The following TLK2 variants were observed in gnomAD, a reference collection of about 807,000 sequenced individuals.
TLK2 encodes serine/threonine-protein kinase tousled-like 2.
TLK2 carries 6 observed loss-of-function variants against 117.3 expected under a neutral mutation model. The observed-to-expected ratio is 0.05, with a 90% CI of 0.03 to 0.10. The LOEUF (loss-of-function observed/expected upper bound fraction) is 0.10, where lower values mean the gene tolerates loss of function less well. Ranked by LOEUF, TLK2 falls within the 10% of genes least tolerant of loss-of-function variation. TLK2 has a pLI of 1.00. For missense variants in TLK2, 299 were observed against 901.2 expected (o/e 0.33, Z 8.56); for synonymous variants, 257 against 316.7 (o/e 0.81, Z 2.00).
intron 9 of TLK2, among the ~76,000 whole-genome samples, chr17:62,557,191 C>T (rs2078922785): frequency 6.6e-6 from 1 of 152,194 alleles, no homozygotes; most frequent in Non-Finnish European, 1.5e-5. Flanking sequence ...TCCCAAAGTG[C>T]TGGGATAACA....
upstream of TLK2, among the ~76,000 whole-genome samples, chr17:62,474,867 G>A (rs1375823578): frequency 4.8e-5 from 7 of 144,916 alleles, no homozygotes; most frequent in Non-Finnish European, 1.1e-4. Flanking sequence ...TCAATATATT[G>A]CCCAAGCTAG....
At chr17:62,568,036 C>G (rs962059939) in intron 11 of TLK2, among the ~76,000 whole-genome samples, 1 of 152,100 alleles carries the variant, frequency 6.6e-6, no homozygotes, top group Non-Finnish European at 1.5e-5. Context: ...TAATGTTATT[C>G]AGTATATCAC....
intron 2 of TLK2, among the ~76,000 whole-genome samples, chr17:62,506,245 CAGAT>C (rs1465470803): frequency 2.0e-5 from 3 of 152,306 alleles, no homozygotes; most frequent in East Asian, 1.9e-4. Flanking sequence ...CTTCTCCAGA[CAGAT>C]AGGTAGAACC....
rs2083935834 is a variant in TLK2 at position 62,613,606 on chromosome 17, T to C, written c.*1041T>C. ...GTAGTTCCTACCCATAGTCTTTGTG[T>C]GCTTGCTAAATGGTGTACATTTCTT... On this transcript the variant is annotated 3_prime_UTR_variant, in exon 22 of 22. Coordinates refer to ENST00000346027, the MANE Select transcript of TLK2 (RefSeq NM_006852.6). 2 of 152,430 alleles carry C rather than the reference T, an allele frequency of 1.3e-5. No individual in the cohort carries two copies. The highest frequency in any genetic ancestry group is 4.8e-5 in the African/African-American group (2 of 41,450). The allele number at this position is 152,430 out of a possible 1,614,324, so 9.4% of individuals were successfully genotyped here.
chr17:62,540,892 G>A (rs1285024073), intron 7 of TLK2, among the ~76,000 whole-genome samples: 6 of 152,092 alleles, frequency 3.9e-5, no homozygotes, highest in Non-Finnish European at 8.8e-5. Flanking sequence ...TCCTTAAAGT[G>A]GCCCTGCATG....
intron 2 of TLK2, among the ~76,000 whole-genome samples, chr17:62,501,016 A>G (rs2074143249): frequency 6.6e-6 from 1 of 152,176 alleles, no homozygotes; most frequent in Non-Finnish European, 1.5e-5. Flanking sequence ...AAGTGGGCGG[A>G]TCACGAGGTC....
chr17:62,567,655 T>A (rs969241382), intron 11 of TLK2, among the ~76,000 whole-genome samples: 1 of 152,222 alleles, frequency 6.6e-6, no homozygotes. Flanking sequence ...ATTCTGCACA[T>A]GAGAAACTCC....
chr17:62,502,028 A>ATTT (rs746988825), intron 2 of TLK2, among the ~76,000 whole-genome samples: 33 of 134,304 alleles, frequency 2.5e-4, no homozygotes, highest in South Asian at 9.3e-4. Flanking sequence ...AAAAAATACC[A>ATTT]ATTTTTTTTT....
At chr17:62,512,112 G>T (rs182239892) in intron 2 of TLK2, among the ~76,000 whole-genome samples, 1 of 151,466 alleles carries the variant, frequency 6.6e-6, no homozygotes, top group African/African-American at 2.4e-5. Context: ...TCTTAAAGGT[G>T]TGTAATGAAA....
At chr17:62,597,778 G>A (rs2082585862) in intron 17 of TLK2, among the ~76,000 whole-genome samples, 1 of 152,160 alleles carries the variant, frequency 6.6e-6, no homozygotes, top group Non-Finnish European at 1.5e-5. Flanking sequence ...TTAATTGTGG[G>A]CATTGCTATA....
At chr17:62,589,870 G>C (rs937446800) in intron 16 of TLK2, among the ~76,000 whole-genome samples, 1 of 151,746 alleles carries the variant, frequency 6.6e-6, no homozygotes, top group African/African-American at 2.4e-5. Context: ...GCAGTGGCGC[G>C]ATCTCCACTC....
intron 7 of TLK2, among the ~76,000 whole-genome samples, chr17:62,537,081 G>T (rs1454292843): frequency 1.3e-5 from 2 of 152,078 alleles, no homozygotes; most frequent in African/African-American, 4.8e-5. Flanking sequence ...CACTTTCAGG[G>T]GCATCTTTCA....
intron 9 of TLK2, among the ~76,000 whole-genome samples, chr17:62,556,295 C>T (rs1481094203): frequency 2.0e-5 from 3 of 152,194 alleles, no homozygotes; most frequent in Admixed American, 6.5e-5. Context: ...GCAGAGGCAG[C>T]TTTATGACCA....
At position 62,532,457 on chromosome 17, in the gene TLK2, G is replaced by A. The variant is rs561388227; in HGVS notation, c.364-3713G>A. Among the ~76,000 whole-genome samples, 231 of 152,254 alleles carry A rather than the reference G, an allele frequency of 1.5e-3. 2 individuals carry two copies. Among genetic ancestry groups the A allele is most frequent in the African/African-American group, 5.3e-3 (219 of 41,546 alleles). On this transcript the variant is annotated intron_variant, in intron 6 of 21. Coordinates refer to ENST00000346027, the MANE Select transcript of TLK2 (RefSeq NM_006852.6). ...GGTTTAAACTGTTACATTTGCTGGG[G>A]TAGGACTCTACTCATAGATTCAAAA... is the stretch of plus-strand genomic sequence containing the variant.
At chr17:62,585,405 G>C (rs1240568792) in intron 15 of TLK2, among the ~76,000 whole-genome samples, 3 of 152,206 alleles carry the variant, frequency 2.0e-5, no homozygotes, top group South Asian at 4.1e-4. Context: ...GGGCGTGATG[G>C]TGCGTGCCTG....
At chr17:62,526,670 C>G (rs1460770836) in intron 6 of TLK2, among the ~76,000 whole-genome samples, 14 of 144,338 alleles carry the variant, frequency 9.7e-5, no homozygotes. Context: ...TTGAACTGCT[C>G]TTCCTGTAAT....
At chr17:62,525,685 T>C (rs2076326710) in intron 6 of TLK2, among the ~76,000 whole-genome samples, 1 of 152,100 alleles carries the variant, frequency 6.6e-6, no homozygotes, top group Admixed American at 6.6e-5. Context: ...CCTGAGATCA[T>C]GTGGTCTGCC....
chr17:62,600,965 A>G (rs978424844), intron 18 of TLK2, 145 bp downstream of exon 18: 58 of 785,606 alleles, frequency 7.4e-5, no homozygotes, highest in Non-Finnish European at 1.1e-4. Context: ...GGTGTGGGAA[A>G]AAAGAGTCCT....
At chr17:62,527,622 A>G (rs2076456835) in intron 6 of TLK2, among the ~76,000 whole-genome samples, 1 of 151,916 alleles carries the variant, frequency 6.6e-6, no homozygotes, top group African/African-American at 2.4e-5. Flanking sequence ...AGGTTTATCC[A>G]TTTCATTGTG....
Sources: allele counts gnomAD v4.1 joint callset (sites outside exome capture counted in the v4.1 genomes callset), GRCh38; gene constraint gnomAD v4.1.1; transcripts MANE v1.5; gene names NCBI Gene and HGNC (gene_info 2026-07-23, HGNC 2026-07-21).